TEAD1: variants seen among roughly 807,000 people sequenced by gnomAD.
TEAD1 encodes TEA domain transcription factor 1, also known as transcriptional enhancer factor TEF-1.
In TEAD1, 9 loss-of-function variants were observed where a neutral mutation model predicts 54.9. That is an observed-to-expected ratio of 0.16 (90% CI 0.10 to 0.29). The LOEUF is 0.29. Ranked by LOEUF, TEAD1 falls within the 10% of genes least tolerant of loss-of-function variation. The pLI is 1.00. For missense variants in TEAD1, 387 were observed against 535.9 expected (o/e 0.72, Z 2.74); for synonymous variants, 200 against 187.8 (o/e 1.07, Z -0.53).
chr11:12,774,197 T>C (rs190687029), intron 3 of TEAD1, among the ~76,000 whole-genome samples: 1 of 151,994 alleles, frequency 6.6e-6, no homozygotes, highest in Non-Finnish European at 1.5e-5. Context: ...AGATTAGAGA[T>C]GGAAAGATTT....
intron 3 of TEAD1, among the ~76,000 whole-genome samples, chr11:12,790,032 A>T (rs1291660510): frequency 6.6e-6 from 1 of 152,248 alleles, no homozygotes; most frequent in Non-Finnish European, 1.5e-5. Flanking sequence ...GGCAGCATGT[A>T]TGCTACAGGT....
intron 2 of TEAD1, among the ~76,000 whole-genome samples, chr11:12,733,089 G>A (rs574063887): frequency 4.0e-4 from 61 of 152,276 alleles, no homozygotes; most frequent in African/African-American, 1.5e-3. Flanking sequence ...CCTGCCTTGG[G>A]CTTCATCAGC....
chr11:12,736,032 A>C (rs190267399), intron 2 of TEAD1, among the ~76,000 whole-genome samples: 1 of 152,246 alleles, frequency 6.6e-6, no homozygotes, highest in Admixed American at 6.5e-5. Flanking sequence ...CATCTAGAGA[A>C]GTAAATAAGC....
At chr11:12,767,882 T>C (rs555107861) in intron 3 of TEAD1, among the ~76,000 whole-genome samples, 1 of 152,314 alleles carries the variant, frequency 6.6e-6, no homozygotes, top group African/African-American at 2.4e-5. Flanking sequence ...TACGTGTGAC[T>C]CTTTTCCTGG....
chr11:12,834,553 C>T (rs117116280), intron 3 of TEAD1, among the ~76,000 whole-genome samples: 2,383 of 152,222 alleles, frequency 0.016, 20 homozygotes, highest in Middle Eastern at 0.031. Context: ...TGTTGCACAA[C>T]GCCTGGTGGT....
chr11:12,864,682 G>T (rs772345496), intron 4 of TEAD1, 156 bp from the exon 5 acceptor site: 2 of 1,503,356 alleles, frequency 1.3e-6, no homozygotes, highest in Non-Finnish European at 1.8e-6. Context: ...CCCGAACAAT[G>T]TAGGTGTCTA....
intron 10 of TEAD1, among the ~76,000 whole-genome samples, chr11:12,906,749 G>A (rs1228808891): frequency 2.0e-5 from 3 of 152,088 alleles, no homozygotes; most frequent in Non-Finnish European, 4.4e-5. Context: ...CAATTTGCCT[G>A]TTCTAGACAT....
chr11:12,686,421 A>T lies in TEAD1; in HGVS notation c.-55+10860A>T, dbSNP rs555668375. On this transcript the variant is annotated intron_variant, in intron 2 of 12. Coordinates refer to ENST00000527636, the MANE Select transcript of TEAD1 (RefSeq NM_021961.6). ...GTGCTATTTCAACCAAATTGTTTCA[A>T]ACCTTGTTCTTTTCTGTGGATGCAC... 3.7e-4 allele frequency among the ~76,000 whole-genome samples: 56 copies of T among 152,342 alleles called. No individual in the cohort carries two copies. In the South Asian group the frequency reaches 0.011, roughly 30 times the overall value.
intron 7 of TEAD1, 129 bp downstream of exon 7, chr11:12,881,180 G>C (rs1007957297): frequency 9.6e-7 from 1 of 1,042,656 alleles, no homozygotes; most frequent in African/African-American, 1.6e-5. Flanking sequence ...GTCCCAGAAG[G>C]CATCCCCTTT....
chr11:12,832,605 C>T (rs906295693), intron 3 of TEAD1, among the ~76,000 whole-genome samples: 3 of 152,190 alleles, frequency 2.0e-5, no homozygotes, highest in African/African-American at 7.2e-5. Flanking sequence ...GAATGTTCAA[C>T]CTCTATGAAG....
intron 3 of TEAD1, among the ~76,000 whole-genome samples, chr11:12,815,535 G>A (rs1200193301): frequency 6.6e-6 from 1 of 152,144 alleles, no homozygotes; most frequent in Admixed American, 6.5e-5. Context: ...ATATGTGTGT[G>A]GACCTTCCCT....
chr11:12,823,982 G>C (rs1946601919), intron 3 of TEAD1, among the ~76,000 whole-genome samples: 5 of 152,136 alleles, frequency 3.3e-5, no homozygotes. Context: ...GGGAGACTAA[G>C]TGATTGGGGC....
intron 2 of TEAD1, among the ~76,000 whole-genome samples, chr11:12,687,067 G>A (rs11600148): frequency 0.065 from 9,947 of 152,292 alleles, 462 homozygotes; most frequent in Non-Finnish European, 0.1. Flanking sequence ...AGCTCGTGTG[G>A]AAGGAAGTCC....
intron 3 of TEAD1, among the ~76,000 whole-genome samples, chr11:12,791,619 G>C (rs1293312972): frequency 1.3e-5 from 2 of 152,166 alleles, no homozygotes; most frequent in African/African-American, 4.8e-5. Context: ...ACATCTTAGA[G>C]TTGTCTACAA....
At chr11:12,732,501 A>G (rs892423904) in intron 2 of TEAD1, among the ~76,000 whole-genome samples, 2 of 152,204 alleles carry the variant, frequency 1.3e-5, no homozygotes, top group African/African-American at 4.8e-5. Flanking sequence ...AGAGAAGTCT[A>G]GGCTGGGTCT....
chr11:12,868,045 G>A (rs893550708), intron 5 of TEAD1, among the ~76,000 whole-genome samples: 1 of 152,222 alleles, frequency 6.6e-6, no homozygotes, highest in Non-Finnish European at 1.5e-5. Context: ...CTCATGTGAA[G>A]ACCGAAACCA....
At chr11:12,930,348 T>C (rs1417312425) in intron 12 of TEAD1, 22 bp downstream of exon 12, 2 of 1,613,898 alleles carry the variant, frequency 1.2e-6, no homozygotes, top group Admixed American at 1.7e-5. Flanking sequence ...GTCTCTTTCC[T>C]CTGTGGGCAG....
At chr11:12,911,471 T>A (rs1391688320) in intron 10 of TEAD1, among the ~76,000 whole-genome samples, 4 of 152,206 alleles carry the variant, frequency 2.6e-5, no homozygotes, top group Non-Finnish European at 5.9e-5. Flanking sequence ...TGAACTGCTA[T>A]CAGGAAGGAG....
chr11:12,877,288 A>G (rs982028353), intron 5 of TEAD1, among the ~76,000 whole-genome samples: 5 of 152,178 alleles, frequency 3.3e-5, no homozygotes, highest in African/African-American at 4.8e-5. Context: ...AATGACCTTG[A>G]GCATCCATGA....
Sources: gnomAD v4.1 joint callset for allele counts (sites outside exome capture counted in the v4.1 genomes callset) on GRCh38, gnomAD v4.1.1 for gene constraint, MANE v1.5 for transcripts, NCBI Gene and HGNC (gene_info 2026-07-23, HGNC 2026-07-21) for gene names.